Variants in CTNNA3 observed in about 807,000 individuals in gnomAD.
CTNNA3 encodes catenin alpha-3.
Under a neutral mutation model 95.7 loss-of-function variants are expected in CTNNA3, and 76 were observed. The observed-to-expected ratio is 0.79, with a 90% CI of 0.66 to 0.96. The LOEUF (loss-of-function observed/expected upper bound fraction) is 0.96. Among genes scored for constraint, CTNNA3 ranks in the 40% least tolerant of loss-of-function variants. The pLI, the probability that CTNNA3 is intolerant of heterozygous loss-of-function variation, is 0.00. For synonymous variants in CTNNA3, 431 were observed against 374.4 expected (o/e 1.15, Z -1.74); for missense variants, 1,191 against 1,089.8 (o/e 1.09, Z -1.31).
At chr10:65,994,267 G>T (rs1176303877) in intron 15 of CTNNA3, among the ~76,000 whole-genome samples, 1 of 152,074 alleles carries the variant, frequency 6.6e-6, no homozygotes, top group African/African-American at 2.4e-5. Context: ...CATGATAATA[G>T]ATATCATCTT....
At chr10:67,601,968 G>A (rs1002829611) in intron 3 of CTNNA3, among the ~76,000 whole-genome samples, 4 of 152,060 alleles carry the variant, frequency 2.6e-5, no homozygotes, top group South Asian at 2.1e-4. Context: ...ATAAAGCCAC[G>A]GATAGCAATA....
chr10:67,105,673 T>C (rs1858594073), intron 7 of CTNNA3, among the ~76,000 whole-genome samples: 1 of 152,148 alleles, frequency 6.6e-6, no homozygotes, highest in African/African-American at 2.4e-5. Context: ...CAGAGTGGAA[T>C]GGCCACCACA....
At chr10:66,328,362 G>A (rs1394682231) in intron 12 of CTNNA3, among the ~76,000 whole-genome samples, 6 of 152,028 alleles carry the variant, frequency 3.9e-5, no homozygotes, top group Non-Finnish European at 7.4e-5. Flanking sequence ...TTAAATGTTA[G>A]ATTAAGTAGT....
At chr10:66,778,169 C>A (rs1840388221) in intron 7 of CTNNA3, among the ~76,000 whole-genome samples, 2 of 152,172 alleles carry the variant, frequency 1.3e-5, no homozygotes, top group Non-Finnish European at 1.5e-5. Flanking sequence ...CTATCCCCAA[C>A]CACAATCACC....
intron 11 of CTNNA3, among the ~76,000 whole-genome samples, chr10:66,428,329 C>A (rs1217745062): frequency 1.3e-5 from 2 of 152,070 alleles, no homozygotes; most frequent in Admixed American, 1.3e-4. Context: ...CCATTGTCAA[C>A]ATTAGACAGA....
chr10:66,622,634 T>A (rs1339973232), intron 9 of CTNNA3, among the ~76,000 whole-genome samples: 1 of 152,160 alleles, frequency 6.6e-6, no homozygotes, highest in Non-Finnish European at 1.5e-5. Flanking sequence ...TATCTCATTG[T>A]CTTTATCATT....
intron 5 of CTNNA3, among the ~76,000 whole-genome samples, chr10:67,424,341 C>G (rs780904247): frequency 6.6e-6 from 1 of 152,046 alleles, no homozygotes; most frequent in African/African-American, 2.4e-5. Flanking sequence ...AAAAATGAAA[C>G]GAAAGCCAGA....
intron 7 of CTNNA3, among the ~76,000 whole-genome samples, chr10:66,865,550 T>G (rs181408979): frequency 6.6e-6 from 1 of 152,230 alleles, no homozygotes; most frequent in Non-Finnish European, 1.5e-5. Flanking sequence ...TTTTCATATT[T>G]TCATAATTAT....
At chr10:67,003,304 G>T (rs1226466564) in intron 7 of CTNNA3, among the ~76,000 whole-genome samples, 1 of 152,082 alleles carries the variant, frequency 6.6e-6, no homozygotes, top group Non-Finnish European at 1.5e-5. Context: ...GGTGTCTTCT[G>T]CTTTAACCCT....
chr10:67,236,611 T>C (rs1865473715), intron 5 of CTNNA3, among the ~76,000 whole-genome samples: 1 of 151,786 alleles, frequency 6.6e-6, no homozygotes, highest in Admixed American at 6.6e-5. Context: ...TGTATACATA[T>C]GTAACTAACC....
At chr10:67,200,053 T>C (rs2132206123) in intron 6 of CTNNA3, among the ~76,000 whole-genome samples, 1 of 152,236 alleles carries the variant, frequency 6.6e-6, no homozygotes, top group East Asian at 1.9e-4. Flanking sequence ...GGCCAAAATC[T>C]CTGAGAAGGA....
chr10:67,506,900 G>C (rs576341182), intron 5 of CTNNA3, among the ~76,000 whole-genome samples: 22 of 152,292 alleles, frequency 1.4e-4, no homozygotes, highest in Admixed American at 9.8e-4. Flanking sequence ...CCCATGATCA[G>C]TTTGGCCAAG....
chr10:67,539,339 T>C (rs1476771425), intron 4 of CTNNA3, among the ~76,000 whole-genome samples, 164 bp downstream of exon 4: 1 of 152,174 alleles, frequency 6.6e-6, no homozygotes, highest in Non-Finnish European at 1.5e-5. Flanking sequence ...CTTCCTTATT[T>C]TGAGGTATAC....
At chr10:65,944,266 G>A (rs1245059127) in intron 17 of CTNNA3, among the ~76,000 whole-genome samples, 3 of 152,206 alleles carry the variant, frequency 2.0e-5, no homozygotes, top group African/African-American at 7.2e-5. Flanking sequence ...CCTGGAGCTC[G>A]TTTGTCACTT....
At chr10:66,165,510 A>G (rs772320043) in intron 13 of CTNNA3, among the ~76,000 whole-genome samples, 9 of 152,076 alleles carry the variant, frequency 5.9e-5, no homozygotes, top group Non-Finnish European at 1.0e-4. Flanking sequence ...AGAAAATAGT[A>G]TGTGCTAAAT....
chr10:66,124,546 C>T (rs2082727542), intron 13 of CTNNA3, among the ~76,000 whole-genome samples: 1 of 152,206 alleles, frequency 6.6e-6, no homozygotes, highest in Non-Finnish European at 1.5e-5. Flanking sequence ...CAGCAGCACC[C>T]CACTGTACTG....
intron 7 of CTNNA3, among the ~76,000 whole-genome samples, chr10:67,118,832 T>C (rs1589759510): frequency 1.3e-5 from 2 of 152,022 alleles, no homozygotes; most frequent in East Asian, 3.9e-4. Context: ...TATATCATAA[T>C]TTGAAATATA....
intron 7 of CTNNA3, among the ~76,000 whole-genome samples, chr10:67,053,821 C>T (rs1049266364): frequency 6.6e-6 from 1 of 152,074 alleles, no homozygotes; most frequent in Non-Finnish European, 1.5e-5. Flanking sequence ...CTTTTGAAGC[C>T]AAAACAAAAT....
intron 9 of CTNNA3, among the ~76,000 whole-genome samples, chr10:66,628,889 G>C (rs1449205406): frequency 1.3e-5 from 2 of 152,016 alleles, no homozygotes; most frequent in African/African-American, 2.4e-5. Flanking sequence ...TTAAGAGGGG[G>C]TCTACAGTAG....
Sources: gnomAD v4.1 joint callset for allele counts (sites outside exome capture counted in the v4.1 genomes callset) on GRCh38, gnomAD v4.1.1 for gene constraint, MANE v1.5 for transcripts, NCBI Gene and HGNC (gene_info 2026-07-23, HGNC 2026-07-21) for gene names.